Variants in ROBO1 observed in about 807,000 individuals in gnomAD.
ROBO1 encodes the protein roundabout guidance receptor 1, also known as roundabout homolog 1.
In ROBO1, 149 loss-of-function variants were observed where a neutral mutation model predicts 195.9. The observed-to-expected ratio is 0.76, with a 90% CI of 0.67 to 0.87. ROBO1 has a LOEUF of 0.87. Ranked by LOEUF, ROBO1 falls within the 40% of genes least tolerant of loss-of-function variation. The pLI is 0.00. For missense variants in ROBO1, 1,933 were observed against 2,068.3 expected (o/e 0.93, Z 1.27); for synonymous variants, 816 against 733.2 (o/e 1.11, Z -1.82).
At chr3:78,604,383 C>G (rs1026022118) in intron 29 of ROBO1, among the ~76,000 whole-genome samples, 3 of 152,102 alleles carry the variant, frequency 2.0e-5, no homozygotes, top group Non-Finnish European at 2.9e-5. Context: ...TTTAATGAAG[C>G]CTTCTTATAA....
intron 2 of ROBO1, among the ~76,000 whole-genome samples, chr3:79,186,331 AT>A (rs1369797400): frequency 6.7e-6 from 1 of 150,222 alleles, no homozygotes; most frequent in African/African-American, 2.5e-5. Flanking sequence ...CTACACACAC[AT>A]ATTTATAAAC....
In ROBO1 at chr3:78,597,376, T is replaced by C. The variant is rs973951698; in HGVS notation, c.*1537A>G. On this transcript the variant is annotated 3_prime_UTR_variant, in exon 31 of 31. Coordinates refer to ENST00000464233, the MANE Select transcript of ROBO1 (RefSeq NM_002941.4). ...TGAAAACATTAATCACATGGATTGTTCCCTTAGTACTGCACGCCTTTTCTA... is the reference window on the plus strand; with the variant it reads ...TGAAAACATTAATCACATGGATTGTCCCCTTAGTACTGCACGCCTTTTCTA... 6.6e-6 allele frequency: 1 copy of C among 152,604 alleles called. No homozygotes were observed. Among genetic ancestry groups the C allele is most frequent in the African/African-American group, 2.4e-5 (1 of 41,450 alleles). 9.5% of individuals were successfully genotyped at this position (152,604 alleles called of 1,614,324 possible).
At chr3:79,136,812 G>T (rs1392813027) in intron 2 of ROBO1, among the ~76,000 whole-genome samples, 1 of 151,984 alleles carries the variant, frequency 6.6e-6, no homozygotes, top group East Asian at 1.9e-4. Context: ...AGAAATATAA[G>T]TTATGTTATA....
intron 2 of ROBO1, among the ~76,000 whole-genome samples, chr3:79,244,526 G>A (rs2082586171): frequency 1.3e-5 from 2 of 152,034 alleles, no homozygotes; most frequent in African/African-American, 2.4e-5. Context: ...TGTCTCTAAA[G>A]TTATTGTGCT....
intron 2 of ROBO1, among the ~76,000 whole-genome samples, chr3:79,357,194 A>T (rs564988033): frequency 1.3e-5 from 2 of 152,056 alleles, no homozygotes; most frequent in Admixed American, 6.5e-5. Context: ...ATGCTCTACT[A>T]CTCTCTTCTT....
At chr3:79,043,685 G>A (rs1017070794) in intron 3 of ROBO1, among the ~76,000 whole-genome samples, 1 of 152,054 alleles carries the variant, frequency 6.6e-6, no homozygotes, top group Non-Finnish European at 1.5e-5. Flanking sequence ...CATTATGCTA[G>A]ATTTAAGCTG....
intron 4 of ROBO1, among the ~76,000 whole-genome samples, chr3:78,909,257 T>A (rs1035548108): frequency 5.3e-5 from 8 of 151,666 alleles, no homozygotes; most frequent in Non-Finnish European, 8.9e-5. Flanking sequence ...GAAAAAAAAA[T>A]TCACATTAAA....
chr3:78,634,573 CT>C lies in ROBO1; in HGVS notation c.3374-532del, dbSNP rs769371936. 2.9e-4 allele frequency: 81 copies of C among 282,894 alleles called. 1 individual carries two copies. The highest frequency in any genetic ancestry group is 5.5e-4 in the Non-Finnish European group (71 of 129,266). The allele number at this position is 282,894 out of a possible 1,614,324, so 17.5% of individuals were successfully genotyped here. ...GCAGTATAAACAATAAATCAGAGTT[CT>C]GAAATATTTGTGCGGAGGCTCTCAG... is the stretch of plus-strand genomic sequence containing the variant. On this transcript the variant is annotated intron_variant, in intron 23 of 30. Coordinates refer to ENST00000464233, the MANE Select transcript of ROBO1 (RefSeq NM_002941.4).
intron 4 of ROBO1, among the ~76,000 whole-genome samples, chr3:78,813,339 A>C (rs2084801401): frequency 6.6e-6 from 1 of 152,066 alleles, no homozygotes; most frequent in African/African-American, 2.4e-5. Flanking sequence ...CTGAACTTAA[A>C]GCTCATGTTT....
rs143558080 is a variant in ROBO1, at chr3:78,615,544, G to A, written c.4283-744C>T. Among the ~76,000 whole-genome samples the A allele has an allele frequency of 2.2e-3, 339 of 152,218 alleles. 3 individuals are homozygous for A. The East Asian group carries it at 0.03, about 13-fold the overall frequency. On this transcript the variant is annotated intron_variant, in intron 27 of 30. Transcript: ENST00000464233. Reference sequence around the variant, plus strand: ...ACATGGCGTATTTCAAAGCTCCCACGTTCTCTGGTGCCTTACATAGATGCT... The same window carrying A: ...ACATGGCGTATTTCAAAGCTCCCACATTCTCTGGTGCCTTACATAGATGCT...
intron 15 of ROBO1, among the ~76,000 whole-genome samples, chr3:78,661,595 T>C (rs1480415494): frequency 3.3e-5 from 5 of 152,192 alleles, no homozygotes; most frequent in African/African-American, 7.2e-5. Flanking sequence ...AGCTCTGACA[T>C]TGCATGTAGG....
At chr3:79,403,301 T>C (rs1387981004) in intron 2 of ROBO1, among the ~76,000 whole-genome samples, 1 of 152,018 alleles carries the variant, frequency 6.6e-6, no homozygotes, top group Non-Finnish European at 1.5e-5. Context: ...AACAGCAAAC[T>C]GACATATAGT....
intron 3 of ROBO1, among the ~76,000 whole-genome samples, chr3:78,950,082 C>G (rs923547008): frequency 3.3e-5 from 5 of 152,140 alleles, no homozygotes; most frequent in African/African-American, 1.2e-4. Flanking sequence ...ACTAGTTCAA[C>G]CATTGTGGAA....
intron 2 of ROBO1, among the ~76,000 whole-genome samples, chr3:79,581,175 C>T (rs916807456): frequency 6.6e-6 from 1 of 151,986 alleles, no homozygotes; most frequent in African/African-American, 2.4e-5. Flanking sequence ...GCTTTCTCTA[C>T]CCTCAGGCAC....
chr3:79,369,759 G>A (rs979927779), intron 2 of ROBO1, among the ~76,000 whole-genome samples: 15 of 151,922 alleles, frequency 9.9e-5, no homozygotes, highest in Non-Finnish European at 2.1e-4. Context: ...CCATTGCAGA[G>A]AGGAAAGATT....
intron 30 of ROBO1, 89 bp downstream of exon 30, chr3:78,600,024 G>A: frequency 9.3e-7 from 1 of 1,072,482 alleles, no homozygotes; most frequent in Non-Finnish European, 1.4e-6. Flanking sequence ...CAATAAAACA[G>A]TAACATTTCT....
intron 10 of ROBO1, among the ~76,000 whole-genome samples, chr3:78,673,298 A>G (rs1156915072): frequency 1.3e-5 from 2 of 151,142 alleles, no homozygotes; most frequent in Non-Finnish European, 2.9e-5. Flanking sequence ...ATAACTTGTT[A>G]TTAGTCACTG....
intron 1 of ROBO1, among the ~76,000 whole-genome samples, chr3:79,695,944 T>C (rs13077559): frequency 2.0e-5 from 3 of 146,468 alleles, no homozygotes; most frequent in African/African-American, 2.4e-5. Context: ...AGGTTTTTTT[T>C]CCCCCCAATC....
At chr3:79,306,132 T>C (rs2033206096) in intron 2 of ROBO1, among the ~76,000 whole-genome samples, 1 of 152,132 alleles carries the variant, frequency 6.6e-6, no homozygotes. Flanking sequence ...ACAAAAATAA[T>C]ATAGGGTGTA....
Sources: gnomAD v4.1 joint callset for allele counts (sites outside exome capture counted in the v4.1 genomes callset) on GRCh38, gnomAD v4.1.1 for gene constraint, MANE v1.5 for transcripts, NCBI Gene and HGNC (gene_info 2026-07-23, HGNC 2026-07-21) for gene names.